The following NEK10 variants were observed in gnomAD, a reference collection of about 807,000 sequenced individuals.
NEK10 encodes serine/threonine-protein kinase Nek10.
A neutral mutation model predicts 159.8 loss-of-function variants in NEK10; 122 were observed. The observed-to-expected ratio is 0.76, with a 90% CI of 0.66 to 0.89. The LOEUF is 0.89. Ranked by LOEUF, NEK10 falls within the 40% of genes least tolerant of loss-of-function variation. The pLI is 0.00. For missense variants in NEK10, 1,342 were observed against 1,323.1 expected (o/e 1.01, Z -0.22); for synonymous variants, 466 against 457.1 (o/e 1.02, Z -0.25).
At chr3:27,168,469 C>T (rs191383567) in intron 29 of NEK10, among the ~76,000 whole-genome samples, 1 of 152,128 alleles carries the variant, frequency 6.6e-6, no homozygotes, top group Non-Finnish European at 1.5e-5. Flanking sequence ...CTCTATTTAA[C>T]GTTCTTTAAA....
intron 26 of NEK10, among the ~76,000 whole-genome samples, chr3:27,178,172 G>A (rs929201080): frequency 2.6e-5 from 4 of 152,214 alleles, no homozygotes; most frequent in South Asian, 2.1e-4. Context: ...TCGGTTTTGC[G>A]CATTATAATG....
intron 22 of NEK10, among the ~76,000 whole-genome samples, chr3:27,265,276 A>T (rs1190046082): frequency 6.6e-6 from 1 of 152,218 alleles, no homozygotes; most frequent in African/African-American, 2.4e-5. Flanking sequence ...ACATAATTTT[A>T]AATTTCCCTT....
rs559624546 is a variant in NEK10 at position 27,205,186 on chromosome 3, C to T, written c.2091-2629G>A. Among the ~76,000 whole-genome samples the T allele has an allele frequency of 2.0e-5, 3 of 151,888 alleles. No homozygotes were observed. In the South Asian group the frequency reaches 6.3e-4, roughly 32 times the overall value. On this transcript the variant is annotated intron_variant, in intron 23 of 35. Transcript: ENST00000691995. Reference sequence around the variant, plus strand: ...GACCTCTTCAAGGAGAACTACAAACCACTGCTCAAGGAAATAAAAGAGGAT... The same window carrying T: ...GACCTCTTCAAGGAGAACTACAAACTACTGCTCAAGGAAATAAAAGAGGAT...
intron 25 of NEK10, among the ~76,000 whole-genome samples, chr3:27,195,287 C>A (rs578191357): frequency 6.6e-6 from 1 of 152,136 alleles, no homozygotes; most frequent in Non-Finnish European, 1.5e-5. Flanking sequence ...AGAATACTTG[C>A]CTTTATGTGT....
rs574161066 is a variant in NEK10, at chr3:27,179,862, C to T, written c.2506-5029G>A. Among the ~76,000 whole-genome samples the T allele has an allele frequency of 3.9e-5, 6 of 152,260 alleles. No homozygotes were observed. In the South Asian group the frequency reaches 1.2e-3, roughly 32 times the overall value. ...TCAGGAGGCTGAGGCAGACAGATCACCTGAGGTCAGGAGTTTGAGACCAGT... is the reference window on the plus strand; with the variant it reads ...TCAGGAGGCTGAGGCAGACAGATCATCTGAGGTCAGGAGTTTGAGACCAGT... On this transcript the variant is annotated intron_variant, in intron 26 of 35. Coordinates refer to ENST00000691995, the MANE Select transcript of NEK10 (RefSeq NM_001394966.1).
intron 30 of NEK10, chr3:27,162,190 G>A (rs1412816009): frequency 4.5e-6 from 2 of 449,210 alleles, no homozygotes; most frequent in Middle Eastern, 6.2e-4. Flanking sequence ...TGTACTTGAA[G>A]CATCAATAGG....
At chr3:27,230,514 C>T (rs1953124977) in intron 23 of NEK10, among the ~76,000 whole-genome samples, 1 of 151,970 alleles carries the variant, frequency 6.6e-6, no homozygotes, top group Admixed American at 6.6e-5. Flanking sequence ...TAGTACCTCA[C>T]ATCTCAGTAT....
At chr3:27,336,293 A>G (rs1306830825) in intron 5 of NEK10, among the ~76,000 whole-genome samples, 2 of 152,208 alleles carry the variant, frequency 1.3e-5, no homozygotes, top group Non-Finnish European at 2.9e-5. Context: ...CCAAGGTTGA[A>G]GCAGGAAGAA....
At chr3:27,357,825 G>A (rs2048420556) in intron 1 of NEK10, among the ~76,000 whole-genome samples, 2 of 152,012 alleles carry the variant, frequency 1.3e-5, no homozygotes, top group African/African-American at 2.4e-5. Flanking sequence ...AGTCTGAGGG[G>A]ACTAACCCAG....
chr3:27,285,668 C>A (rs1254218007), intron 20 of NEK10, among the ~76,000 whole-genome samples: 1 of 152,152 alleles, frequency 6.6e-6, no homozygotes, highest in African/African-American at 2.4e-5. Flanking sequence ...CTACTTCCTC[C>A]TCTAAAACCA....
At position 27,340,704 on chromosome 3, in the gene NEK10, C is replaced by G. The variant is rs186882883; in HGVS notation, c.362+3568G>C. ...ACAGCTATGATTAAAAGACAAAAAA[C>G]TAACAGATGAGGATGTGGATAAGAG... On this transcript the variant is annotated intron_variant, in intron 5 of 35. Transcript: ENST00000691995. 2.6e-5 allele frequency among the ~76,000 whole-genome samples: 4 copies of G among 152,164 alleles called. No homozygotes were observed. The East Asian group carries it at 7.7e-4, about 29-fold the overall frequency.
intron 7 of NEK10, among the ~76,000 whole-genome samples, chr3:27,313,135 C>G (rs1306541432): frequency 1.3e-5 from 2 of 151,262 alleles, no homozygotes. Context: ...CATGGTGGCG[C>G]ATGCCTGTAA....
chr3:27,124,491 T>C (rs1195983944), intron 32 of NEK10, among the ~76,000 whole-genome samples: 1 of 152,166 alleles, frequency 6.6e-6, no homozygotes, highest in Non-Finnish European at 1.5e-5. Context: ...AAGGCAAGTA[T>C]TACCCCCTTT....
At chr3:27,183,163 C>T (rs906395947) in intron 26 of NEK10, among the ~76,000 whole-genome samples, 1 of 151,700 alleles carries the variant, frequency 6.6e-6, no homozygotes, top group Non-Finnish European at 1.5e-5. Flanking sequence ...ACATTTTATT[C>T]TTGTATCAAA....
chr3:27,301,552 G>C, intron 13 of NEK10, 144 bp downstream of exon 13: 1 of 632,152 alleles, frequency 1.6e-6, no homozygotes, highest in East Asian at 2.8e-5. Context: ...GGACCAAGAA[G>C]TTTCTGGCAT....
At chr3:27,199,072 CAAA>C (rs35333904) in intron 25 of NEK10, among the ~76,000 whole-genome samples, 2 of 77,772 alleles carry the variant, frequency 2.6e-5, no homozygotes, top group Non-Finnish European at 6.1e-5. Flanking sequence ...GACTCCATCT[CAAA>C]AAAAAAAAAA....
intron 22 of NEK10, among the ~76,000 whole-genome samples, chr3:27,263,342 G>T (rs1474583980): frequency 6.6e-6 from 1 of 152,186 alleles, no homozygotes; most frequent in Non-Finnish European, 1.5e-5. Flanking sequence ...TCTCTTCAAA[G>T]CTGTCAGACA....
intron 26 of NEK10, among the ~76,000 whole-genome samples, chr3:27,182,269 T>C (rs765979421): frequency 6.6e-6 from 1 of 152,212 alleles, no homozygotes; most frequent in Non-Finnish European, 1.5e-5. Flanking sequence ...TGGTAATGCA[T>C]ATGTTAATTA....
intron 1 of NEK10, among the ~76,000 whole-genome samples, chr3:27,353,158 T>C (rs919056949): frequency 7.2e-5 from 11 of 152,178 alleles, no homozygotes; most frequent in Non-Finnish European, 1.3e-4. Context: ...GGTTTGCCAG[T>C]AGACAAAGAA....
Sources: gnomAD v4.1 joint callset for allele counts (sites outside exome capture counted in the v4.1 genomes callset) on GRCh38, gnomAD v4.1.1 for gene constraint, MANE v1.5 for transcripts, NCBI Gene and HGNC (gene_info 2026-07-23, HGNC 2026-07-21) for gene names.